The following MYOF variants were observed in gnomAD, a reference collection of about 807,000 sequenced individuals.
The protein encoded by MYOF is myoferlin, also known as fer-1-like 3, myoferlin.
In MYOF, 244 loss-of-function variants were observed where a neutral mutation model predicts 284.2. The ratio of observed to expected loss-of-function variants is 0.86; its 90% CI spans 0.77 to 0.95. The LOEUF is 0.95. Ranked by LOEUF, MYOF falls within the 40% of genes least tolerant of loss-of-function variation. The pLI is 0.00. For synonymous variants in MYOF, 904 were observed against 919.7 expected (o/e 0.98, Z 0.31); for missense variants, 2,496 against 2,560.6 (o/e 0.97, Z 0.54).
chr10:93,432,472 A>G (rs927397860), intron 3 of MYOF, among the ~76,000 whole-genome samples: 3 of 152,168 alleles, frequency 2.0e-5, no homozygotes, highest in Admixed American at 2.0e-4. Context: ...AAAGTAGGAC[A>G]AAATTCAGTA....
At chr10:93,321,479 ACTACGGGGCTCAAGTGATCCTC>A (rs1369756527) in intron 48 of MYOF, among the ~76,000 whole-genome samples, 1 of 149,580 alleles carries the variant, frequency 6.7e-6, no homozygotes, top group Admixed American at 6.7e-5. Context: ...TGGACTTCAA[ACTACGGGGCTCAAGTGATCCTC>A]CTGCCTCAGA....
intron 1 of MYOF, among the ~76,000 whole-genome samples, chr10:93,458,485 C>G (rs1006154794): frequency 2.6e-5 from 4 of 152,156 alleles, no homozygotes; most frequent in Non-Finnish European, 4.4e-5. Flanking sequence ...CCTGTAATCC[C>G]AGCACTTTGG....
intron 17 of MYOF, among the ~76,000 whole-genome samples, chr10:93,389,964 T>A (rs1017474935): frequency 1.3e-5 from 2 of 152,208 alleles, no homozygotes; most frequent in African/African-American, 4.8e-5. Flanking sequence ...TCAGCTTTGG[T>A]TCACTCTGTA....
At chr10:93,430,279 C>T (rs923619954) in intron 4 of MYOF, among the ~76,000 whole-genome samples, 1 of 151,632 alleles carries the variant, frequency 6.6e-6, no homozygotes, top group African/African-American at 2.4e-5. Flanking sequence ...CATCCAGCAC[C>T]CAATGTAATA....
At chr10:93,438,785 C>T (rs2056154794) in intron 3 of MYOF, among the ~76,000 whole-genome samples, 1 of 152,024 alleles carries the variant, frequency 6.6e-6, no homozygotes. Context: ...GTTTGAGAAC[C>T]ACGCATCGAA....
Position 93,337,640 on chromosome 10 carries a change from G to A in MYOF, c.4437+175C>T, listed in dbSNP as rs1589409665. ...CTCAATAGCTGTCCTCAAGTCCCTG[G>A]AATCTTGGCAAAGCCGAAACTCATG... On this transcript the variant is annotated intron_variant, in intron 40 of 53. Coordinates refer to ENST00000359263, the MANE Select transcript of MYOF (RefSeq NM_013451.4). 15 of 565,870 alleles carry A rather than the reference G, an allele frequency of 2.7e-5. No homozygotes were observed. In the East Asian group the frequency reaches 4.4e-4, roughly 16 times the overall value. The allele number at this position is 565,870 out of a possible 1,614,324, so 35.1% of individuals were successfully genotyped here.
chr10:93,414,849 T>C (rs1848050724), intron 5 of MYOF, among the ~76,000 whole-genome samples: 1 of 152,054 alleles, frequency 6.6e-6, no homozygotes, highest in South Asian at 2.1e-4. Context: ...GTTCAAGTGA[T>C]TCTCCTACCT....
chr10:93,370,399 C>T (rs962344908), intron 24 of MYOF, among the ~76,000 whole-genome samples: 1 of 148,106 alleles, frequency 6.8e-6, no homozygotes, highest in African/African-American at 2.6e-5. Context: ...GCACCCTTGA[C>T]CTCCAGGGCT....
At chr10:93,355,577 C>G in intron 31 of MYOF, 51 bp downstream of exon 31, 1 of 1,050,252 alleles carries the variant, frequency 9.5e-7, no homozygotes, top group South Asian at 1.5e-5. Flanking sequence ...CAGACTCAGT[C>G]TTGAAAAAAT....
chr10:93,319,674 A>G (rs999527952), intron 49 of MYOF, among the ~76,000 whole-genome samples, 198 bp downstream of exon 49: 2 of 151,986 alleles, frequency 1.3e-5, no homozygotes, highest in Non-Finnish European at 2.9e-5. Context: ...TGTGCTCCTC[A>G]TGCTTCCTAA....
At chr10:93,460,377 G>A (rs977001477) in intron 1 of MYOF, among the ~76,000 whole-genome samples, 18 of 152,202 alleles carry the variant, frequency 1.2e-4, no homozygotes, top group Non-Finnish European at 2.6e-4. Flanking sequence ...AGATTCATTT[G>A]TTCATTCATT....
chr10:93,326,255 GGCCT>G (rs1313386262), intron 45 of MYOF, among the ~76,000 whole-genome samples: 4 of 152,180 alleles, frequency 2.6e-5, no homozygotes, highest in Non-Finnish European at 1.5e-5. Context: ...ACGAGCTCAT[GGCCT>G]GCCTGTTTCT....
At chr10:93,316,634 G>A (rs998823373) in intron 50 of MYOF, 80 bp downstream of exon 50, 23 of 1,288,596 alleles carry the variant, frequency 1.8e-5, no homozygotes, top group Non-Finnish European at 2.6e-5. Flanking sequence ...AAGATTTAAA[G>A]AATTGCTTCC....
intron 21 of MYOF, among the ~76,000 whole-genome samples, chr10:93,378,321 G>A (rs1363043405): frequency 1.3e-5 from 2 of 152,154 alleles, no homozygotes; most frequent in Non-Finnish European, 2.9e-5. Flanking sequence ...GAAAATTGCT[G>A]AAGAGCATCT....
chr10:93,380,040 A>T (rs1846041819), intron 20 of MYOF, 53 bp from the exon 21 acceptor site: 1 of 1,580,220 alleles, frequency 6.3e-7, no homozygotes, highest in African/African-American at 1.3e-5. Context: ...AATAGACAGC[A>T]TGTTTATTAA....
intron 48 of MYOF, among the ~76,000 whole-genome samples, chr10:93,322,143 C>A (rs560709815): frequency 6.6e-6 from 1 of 152,184 alleles, no homozygotes; most frequent in African/African-American, 2.4e-5. Flanking sequence ...TTATAGTGAA[C>A]CTAAATGATA....
At chr10:93,449,652 G>A (rs1351067015) in intron 3 of MYOF, among the ~76,000 whole-genome samples, 1 of 152,110 alleles carries the variant, frequency 6.6e-6, no homozygotes, top group South Asian at 2.1e-4. Flanking sequence ...TAGAATGTAT[G>A]CAGGTATGTA....
At chr10:93,443,490 G>GTC (rs1659883038) in intron 3 of MYOF, among the ~76,000 whole-genome samples, 3 of 151,608 alleles carry the variant, frequency 2.0e-5, no homozygotes, top group Non-Finnish European at 2.9e-5. Flanking sequence ...GTGTGTGTGT[G>GTC]TGTGTGTGTG....
At position 93,359,898 on chromosome 10, in the gene MYOF, T is replaced by A; in HGVS notation, c.3055A>T (p.Arg1019Ter). ...VAAEKMYHTH[R>*]RRRLVRKRKK... is the part of the protein sequence containing the mutation. ...CGTTTTCGGACCAGCCTTCGCCGTCTATGAGTGTGGTACATTTTCTCTGCT... is the reference window on the plus strand; with the variant it reads ...CGTTTTCGGACCAGCCTTCGCCGTCAATGAGTGTGGTACATTTTCTCTGCT... Residue 1019 changes from arginine (R) to a stop codon, truncating the protein, a stop_gained, in exon 29 of 54, where the codon AGA becomes TGA. Coordinates refer to ENST00000359263, the MANE Select transcript of MYOF (RefSeq NM_013451.4). LOFTEE classifies it high-confidence loss of function. 6.2e-7 allele frequency: 1 copy of A among 1,614,180 alleles called. No individual in the cohort carries two copies. Among genetic ancestry groups the A allele is most frequent in the Non-Finnish European group, 8.5e-7 (1 of 1,180,030 alleles).
Sources: allele counts gnomAD v4.1 joint callset (sites outside exome capture counted in the v4.1 genomes callset), GRCh38; gene constraint gnomAD v4.1.1; transcripts MANE v1.5; gene names NCBI Gene and HGNC (gene_info 2026-07-23, HGNC 2026-07-21).